The following FAM184A variants were observed in gnomAD, a reference collection of about 807,000 sequenced individuals.
FAM184A encodes the protein protein FAM184A.
Under a neutral mutation model 143.8 loss-of-function variants are expected in FAM184A, and 99 were observed. The ratio of observed to expected loss-of-function variants is 0.69; its 90% CI spans 0.58 to 0.81. The LOEUF is 0.81. Among genes scored for constraint, FAM184A ranks in the 40% least tolerant of loss-of-function variants. The pLI is 0.00. For missense variants in FAM184A, 1,217 were observed against 1,310.5 expected (o/e 0.93, Z 1.10); for synonymous variants, 427 against 446.4 (o/e 0.96, Z 0.55).
intron 17 of FAM184A, chr6:118,960,709 C>T (rs1783293074): frequency 6.9e-6 from 6 of 873,612 alleles, no homozygotes; most frequent in South Asian, 5.7e-5. Flanking sequence ...ATAGTTTATA[C>T]TTTTCTTAAT....
intron 9 of FAM184A, among the ~76,000 whole-genome samples, chr6:118,981,810 A>G (rs1784033850): frequency 6.6e-6 from 1 of 152,194 alleles, no homozygotes; most frequent in Admixed American, 6.5e-5. Flanking sequence ...ACTGGTGAGA[A>G]ATCGTATGAA....
chr6:119,050,378 G>GA (rs1786704473), intron 1 of FAM184A, among the ~76,000 whole-genome samples: 1 of 151,788 alleles, frequency 6.6e-6, no homozygotes. Flanking sequence ...ACATGCAGAC[G>GA]AATGTTCACT....
chr6:119,099,698 C>T (rs1446154449), intron 1 of FAM184A, among the ~76,000 whole-genome samples: 1 of 152,088 alleles, frequency 6.6e-6, no homozygotes. Flanking sequence ...CCGTAAAAGG[C>T]GCAAGAGGAC....
rs986793264 is a variant in FAM184A, at chr6:118,975,990, C to T, written c.2510G>A (p.Arg837Gln). Residue 837 changes from arginine to glutamine, a missense_variant, in exon 12 of 18, where the codon CGG becomes CAG. Coordinates refer to ENST00000338891, the MANE Select transcript of FAM184A (RefSeq NM_024581.6). ...HQHAAAIDLL[R>Q]HNHHQELAAA... ...TGCCAATTCTTGATGATGATTATGC[C>T]GTAACAAATCAATTGCAGCTGCATG... 7 of 1,613,158 alleles carry T rather than the reference C, an allele frequency of 4.3e-6. No homozygotes were observed. Among genetic ancestry groups the T allele is most frequent in the Admixed American group, 3.3e-5 (2 of 59,902 alleles).
At chr6:119,118,302 T>C (rs1431306267) in intron 1 of FAM184A, among the ~76,000 whole-genome samples, 3 of 152,242 alleles carry the variant, frequency 2.0e-5, no homozygotes, top group Non-Finnish European at 4.4e-5. Flanking sequence ...ACTGATCTCC[T>C]AAAGTTGTTG....
rs1164862120 is a variant in FAM184A at position 119,096,567 on chromosome 6, C to T, written c.-202+52511G>A. 8.0e-5 allele frequency among the ~76,000 whole-genome samples: 6 copies of T among 75,398 alleles called. 1 individual carries two copies. Among genetic ancestry groups the T allele is most frequent in the East Asian group, 7.6e-4 (1 of 1,318 alleles). 49.5% of individuals were successfully genotyped at this position (75,398 alleles called of 152,430 possible). ...AGGAGAATGGCGTGAACCCGGGAGG[C>T]GGAGCTTGCAGTGAGCCGAGATTGC... On this transcript the variant is annotated intron_variant, in intron 1 of 16. Coordinates refer to the FAM184A transcript ENST00000352896.
chr6:119,019,320 C>A (rs543463281), intron 4 of FAM184A, among the ~76,000 whole-genome samples: 12 of 152,184 alleles, frequency 7.9e-5, no homozygotes, highest in Admixed American at 6.5e-5. Context: ...ATCAGGATGG[C>A]ACTGAGGGCT....
chr6:119,102,815 A>AAAAAG (rs1204969066), intron 1 of FAM184A, among the ~76,000 whole-genome samples: 1 of 150,774 alleles, frequency 6.6e-6, no homozygotes, highest in Non-Finnish European at 1.5e-5. Flanking sequence ...AAAGAAAAGA[A>AAAAAG]AAAAGAAAAG....
At chr6:119,033,220 G>T (rs1785957286) in intron 1 of FAM184A, among the ~76,000 whole-genome samples, 1 of 152,096 alleles carries the variant, frequency 6.6e-6, no homozygotes, top group Non-Finnish European at 1.5e-5. Context: ...CTGTATAAGG[G>T]CATGTTAATA....
chr6:118,970,060 A>G (rs1273019963), intron 14 of FAM184A, among the ~76,000 whole-genome samples: 2 of 121,262 alleles, frequency 1.6e-5, no homozygotes, highest in Non-Finnish European at 3.4e-5. Flanking sequence ...CTGGAGTGCA[A>G]TGGCACAATC....
At chr6:119,108,128 A>AGTGTGTGTGTGT (rs57693047) in intron 1 of FAM184A, among the ~76,000 whole-genome samples, 1,949 of 147,352 alleles carry the variant, frequency 0.013, 30 homozygotes, top group African/African-American at 0.033. Context: ...AGCACTTGTT[A>AGTGTGTGTGTGT]GTGTGTGTGT....
intron 1 of FAM184A, among the ~76,000 whole-genome samples, chr6:119,105,757 A>G (rs534467219): frequency 6.6e-6 from 1 of 152,318 alleles, no homozygotes; most frequent in South Asian, 2.1e-4. Flanking sequence ...ATTTTCATCT[A>G]ATACAAAGCT....
At position 119,078,412 on chromosome 6, in the gene FAM184A, G is replaced by A. The variant is rs1010225188; in HGVS notation, c.-113C>T. The A allele has an allele frequency of 3.5e-6, 4 of 1,128,008 alleles. No homozygotes were observed. In the African/African-American group the frequency reaches 6.6e-5, roughly 19 times the overall value. The allele number at this position is 1,128,008 out of a possible 1,614,324, so 69.9% of individuals were successfully genotyped here. A position where few individuals can be genotyped will look rare whatever the true frequency, so the allele number is the denominator to read the frequency against. On this transcript the variant is annotated 5_prime_UTR_variant, in exon 1 of 18. Coordinates refer to ENST00000338891, the MANE Select transcript of FAM184A (RefSeq NM_024581.6). This position sits in a 1 kb window ranked among gnomAD's most constrained non-coding sequence, Gnocchi z 5.5. Reference sequence around the variant, plus strand: ...GCGGCCGCTTCCCGACCCGACACCCGGCGCCCCCCAGACTCGGCCGCAGGC... The same window carrying A: ...GCGGCCGCTTCCCGACCCGACACCCAGCGCCCCCCAGACTCGGCCGCAGGC...
At chr6:119,066,399 G>A (rs1787453826) in intron 1 of FAM184A, among the ~76,000 whole-genome samples, 1 of 152,078 alleles carries the variant, frequency 6.6e-6, no homozygotes, top group Non-Finnish European at 1.5e-5. Context: ...AAATAGTCAA[G>A]GATAATCTCC....
intron 9 of FAM184A, among the ~76,000 whole-genome samples, chr6:118,986,507 C>G (rs1370376709): frequency 6.6e-6 from 1 of 152,168 alleles, no homozygotes; most frequent in Non-Finnish European, 1.5e-5. Flanking sequence ...GGCACTCTGA[C>G]AAAGTCATGT....
chr6:119,016,552 A>C (rs1319238879), intron 5 of FAM184A, among the ~76,000 whole-genome samples, 195 bp downstream of exon 5: 1 of 151,724 alleles, frequency 6.6e-6, no homozygotes, highest in Non-Finnish European at 1.5e-5. Flanking sequence ...CACCAGAAGG[A>C]AGAAACTCCG....
intron 1 of FAM184A, among the ~76,000 whole-genome samples, chr6:119,033,136 A>C (rs1288195602): frequency 1.3e-5 from 2 of 152,186 alleles, no homozygotes; most frequent in Non-Finnish European, 2.9e-5. Context: ...TACTAAGGGA[A>C]TCTTATGTTT....
At chr6:119,128,330 A>G (rs1051783296) in intron 1 of FAM184A, among the ~76,000 whole-genome samples, 5 of 152,184 alleles carry the variant, frequency 3.3e-5, no homozygotes, top group Non-Finnish European at 5.9e-5. Context: ...TTTAAAGGGA[A>G]ACTTGGTATG....
At chr6:119,071,782 G>A (rs764784823) in intron 1 of FAM184A, among the ~76,000 whole-genome samples, 1 of 150,516 alleles carries the variant, frequency 6.6e-6, no homozygotes, top group African/African-American at 2.4e-5. Context: ...TCTTCAAATG[G>A]CACCGAGCCC....
Sources: allele counts gnomAD v4.1 joint callset (sites outside exome capture counted in the v4.1 genomes callset), GRCh38; gene constraint gnomAD v4.1.1; non-coding constraint Gnocchi (gnomAD v3.1); transcripts MANE v1.5; gene names NCBI Gene and HGNC (gene_info 2026-07-23, HGNC 2026-07-21).